DHX38: variants seen among roughly 807,000 people sequenced by gnomAD.
DHX38 encodes pre-mRNA-splicing factor ATP-dependent RNA helicase PRP16.
A neutral mutation model predicts 153.1 loss-of-function variants in DHX38; 100 were observed. The observed-to-expected ratio is 0.65, with a 90% CI of 0.56 to 0.77. The LOEUF is 0.77. Ranked by LOEUF, DHX38 falls within the 30% of genes least tolerant of loss-of-function variation. The probability of loss-of-function intolerance (pLI) is 0.00; values close to 1 mark genes in which losing one functional copy is unlikely to be tolerated. For missense variants in DHX38, 1,440 were observed against 1,654.0 expected, an observed-to-expected ratio of 0.87 and a Z score of 2.24; for synonymous variants, 650 against 631.7, an observed-to-expected ratio of 1.03 and a Z score of -0.43.
At position 72,101,066 on chromosome 16, in the gene DHX38, C is replaced by T; in HGVS notation, c.1279-20C>T. On this transcript the variant is annotated intron_variant, in intron 9 of 26. Transcript: ENST00000268482. The stretch of plus-strand genomic sequence containing the variant: ...CTTGCTGATTTTAACGGGCATCGCT[C>T]TTTCTCCCCACTGCTGCAGCCGGAG... 1 of 1,612,834 alleles carries T rather than the reference C, an allele frequency of 6.2e-7. No individual in the cohort carries two copies. The highest frequency in any genetic ancestry group is 8.5e-7 in the Non-Finnish European group (1 of 1,178,830).
In DHX38 at chr16:72,096,291, G is replaced by A. The variant is rs747622765; in HGVS notation, c.134G>A (p.Arg45His). ...EQHVFKAPAP[R>H]PSLLGLDLLA... ...CATGTCTTCAAGGCTCCTGCTCCCC[G>A]CCCTTCATTACTCGGACTGGACTTG... The change falls in exon 2 of 27, where the codon CGC becomes CAC. Residue 45 changes from arginine (R) to histidine (H), a missense_variant. Coordinates refer to ENST00000268482, the MANE Select transcript of DHX38 (RefSeq NM_014003.4). The A allele has an allele frequency of 1.1e-5, 17 of 1,614,146 alleles. No individual in the cohort carries two copies. Among genetic ancestry groups the A allele is most frequent in the East Asian group, 4.5e-5 (2 of 44,874 alleles).
intron 12 of DHX38, 69 bp downstream of exon 12, chr16:72,103,280 A>C (rs1349884897): frequency 3.2e-6 from 5 of 1,558,800 alleles, no homozygotes; most frequent in Non-Finnish European, 4.3e-6. Flanking sequence ...ATGTTTACCC[A>C]GGAGCTCTTT....
At chr16:72,110,517 T>C (rs1282285287) in intron 25 of DHX38, among the ~76,000 whole-genome samples, 1 of 152,192 alleles carries the variant, frequency 6.6e-6, no homozygotes, top group Non-Finnish European at 1.5e-5. Context: ...TTGATGGCCA[T>C]TGCCTAGATC....
intron 11 of DHX38, among the ~76,000 whole-genome samples, chr16:72,102,474 G>A (rs969144780): frequency 6.6e-6 from 1 of 152,196 alleles, no homozygotes; most frequent in Non-Finnish European, 1.5e-5. Flanking sequence ...CCTTGAGAAA[G>A]TGACAGTGCT....
intron 25 of DHX38, among the ~76,000 whole-genome samples, chr16:72,110,594 T>C (rs2241411): frequency 0.61 from 92,984 of 152,170 alleles, 29,487 homozygotes; most frequent in African/African-American, 0.77. Context: ...ATTCTCCCCA[T>C]ACCAGGCTCC....
intron 4 of DHX38, among the ~76,000 whole-genome samples, chr16:72,098,093 G>C (rs528044782): frequency 1.4e-3 from 209 of 152,340 alleles, no homozygotes; most frequent in Middle Eastern, 3.4e-3. Flanking sequence ...TGTTTGTAGA[G>C]ATAAAGTAAA....
intron 4 of DHX38, among the ~76,000 whole-genome samples, chr16:72,098,165 G>C (rs6499559): frequency 0.46 from 69,512 of 152,132 alleles, 17,940 homozygotes; most frequent in African/African-American, 0.71. Context: ...AGGTGCAGTG[G>C]CTCATACCTG....
rs2042198770 is a variant in DHX38 at position 72,107,738 on chromosome 16, G to C, written c.2903G>C (p.Ser968Thr). ...MLIVSCDMGC[S>T]SEILLIVSML... ...ATCGTGTCCTGTGACATGGGCTGCA[G>C]CTCCGAGATCCTGCTCATCGTTTCC... is the stretch of plus-strand genomic sequence containing the variant. Residue 968 changes from serine (S) to threonine (T), a missense_variant, in exon 21 of 27, where the codon AGC (serine) becomes ACC (threonine). Coordinates refer to ENST00000268482, the MANE Select transcript of DHX38 (RefSeq NM_014003.4). This position sits in a 1 kb window ranked among gnomAD's most constrained non-coding sequence, Gnocchi z 5.3. The C allele has an allele frequency of 6.2e-7, 1 of 1,613,976 alleles. No individual in the cohort carries two copies. Among genetic ancestry groups the C allele is most frequent in the African/African-American group, 1.3e-5 (1 of 74,910 alleles).
intron 3 of DHX38, 170 bp from the exon 4 acceptor site, chr16:72,097,507 T>C: frequency 1.7e-6 from 1 of 583,908 alleles, no homozygotes; most frequent in Non-Finnish European, 3.0e-6. Context: ...GTAACTATTT[T>C]TCCCCCTTGG....
chr16:72,102,054 G>A (rs1189400709), intron 11 of DHX38, among the ~76,000 whole-genome samples: 1 of 152,150 alleles, frequency 6.6e-6, no homozygotes, highest in Non-Finnish European at 1.5e-5. Context: ...AAATAGAAAG[G>A]GTTATCTTAT....
chr16:72,097,833 A>T, intron 4 of DHX38, 52 bp downstream of exon 4: 1 of 1,488,684 alleles, frequency 6.7e-7, no homozygotes, highest in African/African-American at 1.9e-5. Context: ...TAAAAGGCAG[A>T]GTGAGTGACT....
chr16:72,112,815 T>C lies in DHX38; in HGVS notation c.*318T>C, dbSNP rs1313117677. On this transcript the variant is annotated 3_prime_UTR_variant, in exon 27 of 27. Transcript: ENST00000268482. ...GCGTGACTTGGCTGTGGCTGTCTTT[T>C]TTAATCCTTGTGTAAAGCAGCAAAA... 1 of 702,716 alleles carries C rather than the reference T, an allele frequency of 1.4e-6. No individual in the cohort carries two copies. Among genetic ancestry groups the C allele is most frequent in the Non-Finnish European group, 2.6e-6 (1 of 384,854 alleles). The allele number at this position is 702,716 out of a possible 1,614,324, so 43.5% of individuals were successfully genotyped here.
intron 26 of DHX38, 139 bp downstream of exon 26, chr16:72,111,216 T>A (rs2042251816): frequency 7.6e-7 from 1 of 1,310,138 alleles, no homozygotes; most frequent in Non-Finnish European, 1.0e-6. Context: ...TGCTTGTGCA[T>A]TTGGTGGTCA....
In DHX38 at chr16:72,101,256, A is replaced by G. The variant is rs967763963; in HGVS notation, c.1386+63A>G. The G allele has an allele frequency of 2.5e-5, 39 of 1,575,326 alleles. 1 individual carries two copies. The Middle Eastern group carries it at 6.7e-4, about 27-fold the overall frequency. On this transcript the variant is annotated intron_variant, in intron 10 of 26. Coordinates refer to ENST00000268482, the MANE Select transcript of DHX38 (RefSeq NM_014003.4). ...TATTTTTTTCTTTTTTCTTCTCTTC[A>G]TAAGTCTTACTAGGCCCACAGATAG... is the stretch of plus-strand genomic sequence containing the variant.
At chr16:72,101,337 T>C in intron 10 of DHX38, 144 bp downstream of exon 10, 1 of 1,162,652 alleles carries the variant, frequency 8.6e-7, no homozygotes, top group Non-Finnish European at 1.2e-6. Flanking sequence ...GGGCCTGGTG[T>C]TGGGAGAGCT....
In DHX38 at chr16:72,103,224, G is replaced by A. The variant is rs778619618; in HGVS notation, c.1637+13G>A. 8.1e-6 allele frequency: 13 copies of A among 1,610,652 alleles called. No homozygotes were observed. In the Admixed American group the frequency reaches 1.2e-4, roughly 15 times the overall value. On this transcript the variant is annotated intron_variant, in intron 12 of 26. Transcript: ENST00000268482. Reference sequence around the variant, plus strand: ...TCACTATTATCAGGTAACTTCACCCGGGGCCCAGGAATCTAGTGTCAAGTC... The same window carrying A: ...TCACTATTATCAGGTAACTTCACCCAGGGCCCAGGAATCTAGTGTCAAGTC...
At chr16:72,100,743 C>A in intron 9 of DHX38, 146 bp downstream of exon 9, 1 of 1,220,846 alleles carries the variant, frequency 8.2e-7, no homozygotes, top group Non-Finnish European at 1.1e-6. Flanking sequence ...CCTGCCTGGG[C>A]AATATAGTGA....
Position 72,098,724 on chromosome 16 carries a change from G to A in DHX38, c.696G>A (p.Ser232=), listed in dbSNP as rs556379177. The part of the protein sequence containing the change: ...YGSSRRSQWE[S]PSPTPSYRDS... ...CCTCAAGGCGCTCACAGTGGGAATCGCCCTCCCCGACGCCTTCCTATCGGG... is the reference window on the plus strand; with the variant it reads ...CCTCAAGGCGCTCACAGTGGGAATCACCCTCCCCGACGCCTTCCTATCGGG... Residue 232 remains serine, a synonymous_variant, in exon 5 of 27, where the codon TCG becomes TCA. Coordinates refer to ENST00000268482, the MANE Select transcript of DHX38 (RefSeq NM_014003.4). 17 of 1,613,842 alleles carry A rather than the reference G, an allele frequency of 1.1e-5. No homozygotes were observed. Among genetic ancestry groups the A allele is most frequent in the Admixed American group, 6.7e-5 (4 of 59,992 alleles).
chr16:72,102,578 A>C (rs1829190130), intron 11 of DHX38, among the ~76,000 whole-genome samples: 1 of 152,194 alleles, frequency 6.6e-6, no homozygotes, highest in South Asian at 2.1e-4. Context: ...CAGTTCTTTG[A>C]AAACAAAACC....
Sources: allele counts gnomAD v4.1 joint callset (sites outside exome capture counted in the v4.1 genomes callset), GRCh38; gene constraint gnomAD v4.1.1; non-coding constraint Gnocchi (gnomAD v3.1); transcripts MANE v1.5; gene names NCBI Gene and HGNC (gene_info 2026-07-23, HGNC 2026-07-21).